The following PTPRB variants were observed in gnomAD, a reference collection of about 807,000 sequenced individuals.
PTPRB encodes receptor-type tyrosine-protein phosphatase beta.
In PTPRB, 97 loss-of-function variants were observed where a neutral mutation model predicts 238.1. That is an observed-to-expected ratio of 0.41 (90% CI 0.35 to 0.48). PTPRB has a LOEUF of 0.48. Ranked by LOEUF, PTPRB falls within the 20% of genes least tolerant of loss-of-function variation. PTPRB has a pLI of 0.30. For synonymous variants in PTPRB, 970 were observed against 995.4 expected (o/e 0.97, Z 0.48); for missense variants, 2,292 against 2,681.9 (o/e 0.85, Z 3.21).
At chr12:70,551,956 A>T (rs556816273) in intron 21 of PTPRB, among the ~76,000 whole-genome samples, 62 of 152,208 alleles carry the variant, frequency 4.1e-4, no homozygotes, top group Middle Eastern at 3.4e-3. Context: ...CTCCATGGGG[A>T]AAAAAGGGTG....
chr12:70,619,710 C>T (rs1356752842), intron 3 of PTPRB, among the ~76,000 whole-genome samples: 2 of 152,200 alleles, frequency 1.3e-5, no homozygotes, highest in African/African-American at 4.8e-5. Context: ...CTAACCCTAA[C>T]CCATCGGTCA....
Position 70,614,475 on chromosome 12 carries a change from T to C in PTPRB, c.709-5136A>G, listed in dbSNP as rs144714830. Among the ~76,000 whole-genome samples the C allele has an allele frequency of 1.9e-3, 286 of 152,244 alleles. 1 individual carries two copies. The highest frequency in any genetic ancestry group is 3.2e-3 in the Non-Finnish European group (215 of 67,996). ...TATAATATGCATATTTTGATATATATAACTTCTCATTAAAAATTAAGTGAG... is the reference window on the plus strand; with the variant it reads ...TATAATATGCATATTTTGATATATACAACTTCTCATTAAAAATTAAGTGAG... On this transcript the variant is annotated intron_variant, in intron 3 of 33. Coordinates refer to ENST00000334414, the MANE Select transcript of PTPRB (RefSeq NM_001109754.4).
At chr12:70,568,862 G>A (rs1879663164) in intron 14 of PTPRB, among the ~76,000 whole-genome samples, 1 of 152,136 alleles carries the variant, frequency 6.6e-6, no homozygotes, top group Non-Finnish European at 1.5e-5. Flanking sequence ...TGTTTTACAA[G>A]CTTTCTGAAC....
chr12:70,616,090 A>C (rs1884666857), intron 3 of PTPRB, among the ~76,000 whole-genome samples: 1 of 151,918 alleles, frequency 6.6e-6, no homozygotes, highest in Non-Finnish European at 1.5e-5. Flanking sequence ...TCAGTGTCTT[A>C]ATCTTCTTTT....
rs1432429607 is a variant in PTPRB at position 70,592,376 on chromosome 12, G to A, written c.1686C>T (p.His562=). The change falls in exon 7 of 34, where the codon CAC becomes CAT. Residue 562 remains histidine (H), a synonymous_variant. Transcript: ENST00000334414. ...RVLAPWITET[H]FKELVPGRLY... ...GTCGACCGGGGACTAACTCTTTAAAGTGAGTTTCAGTAATCCAAGGTGCTA... is the reference window on the plus strand; with the variant it reads ...GTCGACCGGGGACTAACTCTTTAAAATGAGTTTCAGTAATCCAAGGTGCTA... 6 of 1,613,842 alleles carry A rather than the reference G, an allele frequency of 3.7e-6. No individual in the cohort carries two copies. In the East Asian group the frequency reaches 6.7e-5, roughly 18 times the overall value.
In PTPRB at chr12:70,535,023, C is replaced by G; in HGVS notation, c.6082-68G>C. On this transcript the variant is annotated intron_variant, in intron 29 of 33. Coordinates refer to ENST00000334414, the MANE Select transcript of PTPRB (RefSeq NM_001109754.4). ...ACTCCTTGGTGAACCTGGGGTTTCC[C>G]TCCTCTAAATGTCTTCCAAAGTTAG... is the stretch of plus-strand genomic sequence containing the variant. 3 of 1,538,552 alleles carry G rather than the reference C, an allele frequency of 1.9e-6. No individual in the cohort carries two copies. In the South Asian group the frequency reaches 3.7e-5, roughly 19 times the overall value.
intron 21 of PTPRB, among the ~76,000 whole-genome samples, chr12:70,545,657 G>T (rs1202200865): frequency 6.6e-6 from 1 of 152,202 alleles, no homozygotes; most frequent in Non-Finnish European, 1.5e-5. Flanking sequence ...AGACTGCTGG[G>T]ATAGTCAGGC....
intron 26 of PTPRB, 104 bp downstream of exon 26, chr12:70,539,521 C>T (rs1874710999): frequency 5.5e-6 from 5 of 909,422 alleles, no homozygotes; most frequent in Admixed American, 4.6e-5. Context: ...TAAGCAGCCT[C>T]CTAACTTCTG....
intron 17 of PTPRB, 62 bp from the exon 18 acceptor site, chr12:70,559,686 A>T (rs1347549861): frequency 6.9e-7 from 1 of 1,441,942 alleles, no homozygotes; most frequent in African/African-American, 1.4e-5. Context: ...TATACAAATA[A>T]GATAGCTGAG....
In PTPRB at chr12:70,560,822, A is replaced by G. The variant is rs1878392265; in HGVS notation, c.4281T>C (p.Tyr1427=). ...GDFDFYELIL[Y]NPNGTKKENW... The stretch of plus-strand genomic sequence containing the variant: ...TTTCCTTCTTTGTGCCATTGGGATT[A>G]TAGAGAATCAGCTCATAAAAGTCAA... Residue 1427 remains tyrosine (Y), a synonymous_variant, in exon 17 of 34, where the codon TAT becomes TAC. Transcript: ENST00000334414. The surrounding 1 kb of genome is among the most constrained non-coding windows in gnomAD (Gnocchi z 4.2). 6.2e-7 allele frequency: 1 copy of G among 1,613,882 alleles called. No homozygotes were observed. The highest frequency in any genetic ancestry group is 1.3e-5 in the African/African-American group (1 of 74,918).
At chr12:70,544,063 A>G (rs561601102) in intron 22 of PTPRB, among the ~76,000 whole-genome samples, 2 of 152,336 alleles carry the variant, frequency 1.3e-5, no homozygotes, top group South Asian at 2.1e-4. Context: ...AGTCTTTTAT[A>G]TTAATGGTTT....
intron 4 of PTPRB, among the ~76,000 whole-genome samples, chr12:70,600,910 G>C (rs1787241284): frequency 6.6e-6 from 1 of 151,670 alleles, no homozygotes; most frequent in Non-Finnish European, 1.5e-5. Context: ...CTCTGTCGCT[G>C]AGGCTGGAGT....
At chr12:70,634,596 A>G (rs1885599150) in intron 2 of PTPRB, among the ~76,000 whole-genome samples, 1 of 152,156 alleles carries the variant, frequency 6.6e-6, no homozygotes, top group Admixed American at 6.5e-5. Flanking sequence ...GGGAATGTGT[A>G]TTTTTAGTAA....
chr12:70,549,289 A>G (rs1010266332), intron 21 of PTPRB, among the ~76,000 whole-genome samples: 6 of 152,196 alleles, frequency 3.9e-5, no homozygotes. Flanking sequence ...CATGTGGTTC[A>G]ATTTCCTTCC....
At chr12:70,536,803 C>CCAAA (rs1279653414) in intron 28 of PTPRB, among the ~76,000 whole-genome samples, 6 of 152,220 alleles carry the variant, frequency 3.9e-5, no homozygotes, top group Admixed American at 3.3e-4. Context: ...CCCCGCCCAC[C>CCAAA]CAAACACTGC....
chr12:70,629,580 A>G (rs1885351214), intron 2 of PTPRB, among the ~76,000 whole-genome samples: 1 of 152,248 alleles, frequency 6.6e-6, no homozygotes, highest in Admixed American at 6.5e-5. Context: ...GCAGAAGGTA[A>G]GAAATAACTA....
intron 3 of PTPRB, among the ~76,000 whole-genome samples, chr12:70,618,422 G>A (rs770390091): frequency 4.6e-5 from 7 of 152,084 alleles, no homozygotes; most frequent in South Asian, 2.1e-4. Flanking sequence ...GCCAGTATTC[G>A]AAAACATTTT....
chr12:70,540,995 G>A (rs1026023393), intron 22 of PTPRB, 38 bp from the exon 23 acceptor site: 36 of 1,493,612 alleles, frequency 2.4e-5, no homozygotes, highest in Non-Finnish European at 3.3e-5. Flanking sequence ...ACGCAGGTGG[G>A]AAAATTAGTG....
Position 70,523,407 on chromosome 12 carries a change from T to G in PTPRB, c.6625+1064A>C, listed in dbSNP as rs382199. Among the ~76,000 whole-genome samples the G allele has an allele frequency of 7.1e-3, 1,086 of 152,292 alleles. 14 individuals carry two copies. Among genetic ancestry groups the G allele is most frequent in the African/African-American group, 0.025 (1,021 of 41,554 alleles). Reference sequence around the variant, plus strand: ...ACAAAAAGCTTCATGCATAATTTTTTTTTTGTTTTGTATATAGTGTGGTAG... The same window carrying G: ...ACAAAAAGCTTCATGCATAATTTTTGTTTTGTTTTGTATATAGTGTGGTAG... On this transcript the variant is annotated intron_variant, in intron 33 of 33. Coordinates refer to ENST00000334414, the MANE Select transcript of PTPRB (RefSeq NM_001109754.4).
Sources: gnomAD v4.1 joint callset for allele counts (sites outside exome capture counted in the v4.1 genomes callset) on GRCh38, gnomAD v4.1.1 for gene constraint, Gnocchi (gnomAD v3.1) non-coding constraint, MANE v1.5 for transcripts, NCBI Gene and HGNC (gene_info 2026-07-23, HGNC 2026-07-21) for gene names.